Variants in CRYBG1 observed in about 807,000 individuals in gnomAD.
The protein encoded by CRYBG1 is crystallin beta-gamma domain containing 1.
CRYBG1 carries 139 observed loss-of-function variants against 189.2 expected under a neutral mutation model. That is an observed-to-expected ratio of 0.73 (90% CI 0.64 to 0.85). The LOEUF is 0.85. Among genes scored for constraint, CRYBG1 ranks in the 40% least tolerant of loss-of-function variants. CRYBG1 has a pLI of 0.00. For synonymous variants in CRYBG1, 1,023 were observed against 1,017.1 expected (o/e 1.01, Z -0.11); for missense variants, 2,611 against 2,675.8 (o/e 0.98, Z 0.53).
Position 106,468,849 on chromosome 6 carries a change from G to A in CRYBG1, c.312+17017G>A, listed in dbSNP as rs142163546. Among the ~76,000 whole-genome samples, 7 of 152,338 alleles carry A rather than the reference G, an allele frequency of 4.6e-5. No homozygotes were observed. In the South Asian group the frequency reaches 1.2e-3, roughly 27 times the overall value. On this transcript the variant is annotated intron_variant, in intron 2 of 21. Transcript: ENST00000633556. ...CCATCTAAAGACAAAACACGACATT[G>A]TAAGGGTCTCCTAATTGGTCTTCTT...
At position 106,512,778 on chromosome 6, in the gene CRYBG1, G is replaced by A. The variant is rs1377192540; in HGVS notation, c.1661G>A (p.Gly554Asp). ...RVPDPSPVTK[G>D]TAAESGEEAA... ...CCCGATCCCAGCCCAGTCACCAAGGGCACTGCGGCCGAGAGCGGGGAGGAG... is the reference window on the plus strand; with the variant it reads ...CCCGATCCCAGCCCAGTCACCAAGGACACTGCGGCCGAGAGCGGGGAGGAG... The change falls in exon 3 of 22, where the codon GGC becomes GAC. Residue 554 changes from glycine (G) to aspartate (D), a missense_variant. Coordinates refer to ENST00000633556, the MANE Select transcript of CRYBG1 (RefSeq NM_001371242.2). 1 of 1,583,764 alleles carries A rather than the reference G, an allele frequency of 6.3e-7. No homozygotes were observed. Among genetic ancestry groups the A allele is most frequent in the Admixed American group, 1.8e-5 (1 of 56,258 alleles).
Position 106,568,646 on chromosome 6 carries a change from G to T in CRYBG1, c.*80G>T. 1 of 1,039,234 alleles carries T rather than the reference G, an allele frequency of 9.6e-7. No individual in the cohort carries two copies. The highest frequency in any genetic ancestry group is 1.4e-5 in the South Asian group (1 of 72,140). 64.4% of individuals were successfully genotyped at this position (1,039,234 alleles called of 1,614,324 possible). A position where few individuals can be genotyped will look rare whatever the true frequency, so the allele number is the denominator to read the frequency against. On this transcript the variant is annotated 3_prime_UTR_variant, in exon 22 of 22. Transcript: ENST00000633556. The stretch of plus-strand genomic sequence containing the variant: ...AAAGGACAATGCTGATGGAAGACCA[G>T]ACTGGAAAGTGGATCGACTCCTCCT...
chr6:106,565,320 C>CAAAA (rs10681180), intron 21 of CRYBG1, among the ~76,000 whole-genome samples: 19 of 148,088 alleles, frequency 1.3e-4, no homozygotes, highest in Admixed American at 5.4e-4. Context: ...GACTTCGTCT[C>CAAAA]AAAAAAAAAA....
At chr6:106,427,714 CT>C (rs933421014) in intron 1 of CRYBG1, among the ~76,000 whole-genome samples, 4 of 152,072 alleles carry the variant, frequency 2.6e-5, no homozygotes, top group African/African-American at 9.7e-5. Context: ...CAGAGGGATT[CT>C]TGAAAAACCT....
chr6:106,484,317 A>C (rs975292493), intron 2 of CRYBG1, among the ~76,000 whole-genome samples: 2 of 152,038 alleles, frequency 1.3e-5, no homozygotes, highest in Non-Finnish European at 2.9e-5. Flanking sequence ...GTTTAGAGGC[A>C]AGGTGTCACT....
intron 1 of CRYBG1, among the ~76,000 whole-genome samples, chr6:106,425,121 T>A (rs1354394207): frequency 6.6e-6 from 1 of 152,192 alleles, no homozygotes; most frequent in Non-Finnish European, 1.5e-5. Context: ...TTGCTCCTCC[T>A]GGCTCTTTCC....
chr6:106,511,735 C>G lies in CRYBG1; in HGVS notation c.618C>G (p.Pro206=). Residue 206 remains proline (P), a synonymous_variant, in exon 3 of 22, where the codon CCC becomes CCG. Transcript: ENST00000633556. Reference sequence around the variant, plus strand: ...CCGAGAGCGGTGGCCCCGCAGCCCCCCCTGACGCCGAGCTGTCACCTCGCT... The same window carrying G: ...CCGAGAGCGGTGGCCCCGCAGCCCCGCCTGACGCCGAGCTGTCACCTCGCT... The part of the protein sequence containing the change: ...ELPESGGPAA[P]PDAELSPRWS... The G allele has an allele frequency of 6.5e-7, 1 of 1,535,392 alleles. No homozygotes were observed. The highest frequency in any genetic ancestry group is 8.7e-7 in the Non-Finnish European group (1 of 1,146,606).
chr6:106,415,398 A>T (rs1771003037), intron 1 of CRYBG1, among the ~76,000 whole-genome samples: 1 of 152,198 alleles, frequency 6.6e-6, no homozygotes, highest in Admixed American at 6.5e-5. Context: ...GAGGAATTGC[A>T]GGAAATGGAA....
intron 1 of CRYBG1, among the ~76,000 whole-genome samples, chr6:106,388,424 A>C (rs2749083): frequency 0.87 from 131,881 of 152,136 alleles, 57,210 homozygotes; most frequent in East Asian, 0.95. Context: ...CAGCCCAGAA[A>C]CTGTCTTCTT....
intron 8 of CRYBG1, among the ~76,000 whole-genome samples, chr6:106,533,470 GC>G (rs1321443247): frequency 6.6e-6 from 1 of 152,220 alleles, no homozygotes; most frequent in African/African-American, 2.4e-5. Flanking sequence ...AGAAGGATCA[GC>G]CTGTCTGTTC....
At chr6:106,456,193 G>A (rs563812737) in intron 2 of CRYBG1, among the ~76,000 whole-genome samples, 48 of 152,214 alleles carry the variant, frequency 3.2e-4, no homozygotes, top group South Asian at 6.2e-4. Context: ...TCACTCTGTC[G>A]CCCAGGCTGG....
intron 2 of CRYBG1, among the ~76,000 whole-genome samples, chr6:106,481,422 A>G (rs529236560): frequency 2.6e-5 from 4 of 152,296 alleles, no homozygotes; most frequent in Non-Finnish European, 2.9e-5. Context: ...TAGATAAGGT[A>G]CACTTGCCAC....
intron 2 of CRYBG1, among the ~76,000 whole-genome samples, chr6:106,497,621 C>T (rs1562089125): frequency 6.6e-6 from 1 of 152,230 alleles, no homozygotes; most frequent in Non-Finnish European, 1.5e-5. Flanking sequence ...ACAGAACAAG[C>T]AATAGAAGAA....
At chr6:106,541,085 G>T (rs1239615542) in intron 9 of CRYBG1, 2 of 328,232 alleles carry the variant, frequency 6.1e-6, no homozygotes, top group South Asian at 5.0e-5. Flanking sequence ...GTAAGCCCTG[G>T]TTGCAAAATC....
In CRYBG1 at chr6:106,360,828, C is replaced by A; in HGVS notation, c.-81C>A. On this transcript the variant is annotated 5_prime_UTR_variant, in exon 1 of 22. Transcript: ENST00000633556. Reference sequence around the variant, plus strand: ...GCGCTGAGAAAGGCGGGCGAGCTGGCGCTCAGGTGTGTTCTTCCATAGGGC... The same window carrying A: ...GCGCTGAGAAAGGCGGGCGAGCTGGAGCTCAGGTGTGTTCTTCCATAGGGC... The A allele has an allele frequency of 7.2e-7, 1 of 1,389,736 alleles. No homozygotes were observed. The allele number at this position is 1,389,736 out of a possible 1,614,324, so 86.1% of individuals were successfully genotyped here.
At chr6:106,460,546 TG>T (rs1389348176) in intron 2 of CRYBG1, among the ~76,000 whole-genome samples, 2 of 151,758 alleles carry the variant, frequency 1.3e-5, no homozygotes, top group African/African-American at 4.8e-5. Context: ...TGTGTGTTTA[TG>T]GGGGTGGGGA....
intron 1 of CRYBG1, among the ~76,000 whole-genome samples, chr6:106,410,547 T>C (rs1297858083): frequency 6.6e-6 from 1 of 152,202 alleles, no homozygotes; most frequent in Non-Finnish European, 1.5e-5. Flanking sequence ...GGATTATAAA[T>C]CATTTTACTA....
chr6:106,513,171 A>G, intron 3 of CRYBG1, 132 bp downstream of exon 3: 1 of 1,128,158 alleles, frequency 8.9e-7, no homozygotes, highest in Non-Finnish European at 1.2e-6. Context: ...TGCTGAACTT[A>G]AGATAGTGAA....
chr6:106,424,944 A>G (rs931413453), intron 1 of CRYBG1, among the ~76,000 whole-genome samples: 2 of 152,144 alleles, frequency 1.3e-5, no homozygotes, highest in African/African-American at 2.4e-5. Context: ...CTTGGAGTGC[A>G]TCATCAGAAA....
Sources: gnomAD v4.1 joint callset for allele counts (sites outside exome capture counted in the v4.1 genomes callset) on GRCh38, gnomAD v4.1.1 for gene constraint, MANE v1.5 for transcripts, NCBI Gene and HGNC (gene_info 2026-07-23, HGNC 2026-07-21) for gene names.